Variants in CEP112 observed in about 807,000 individuals in gnomAD.
CEP112 encodes centrosomal protein 112, also known as centrosomal protein of 112 kDa.
CEP112 carries 127 observed loss-of-function variants against 153.0 expected under a neutral mutation model. The ratio of observed to expected loss-of-function variants is 0.83; its 90% CI spans 0.72 to 0.96. CEP112 has a LOEUF of 0.96. Ranked by LOEUF, CEP112 falls within the 40% of genes least tolerant of loss-of-function variation. The pLI is 0.00. For synonymous variants in CEP112, 358 were observed against 374.4 expected, an observed-to-expected ratio of 0.96 and a Z score of 0.51; for missense variants, 1,089 against 1,101.2, an observed-to-expected ratio of 0.99 and a Z score of 0.16.
At chr17:65,901,376 A>G (rs1227937249) in intron 20 of CEP112, among the ~76,000 whole-genome samples, 2 of 152,208 alleles carry the variant, frequency 1.3e-5, no homozygotes, top group African/African-American at 4.8e-5. Flanking sequence ...AGCAATCTCA[A>G]GAGGATACAC....
At chr17:65,729,590 A>G (rs1489235481) in intron 23 of CEP112, among the ~76,000 whole-genome samples, 1 of 152,236 alleles carries the variant, frequency 6.6e-6, no homozygotes, top group East Asian at 1.9e-4. Flanking sequence ...AAAGATTAAC[A>G]ATGTCCAAGT....
chr17:66,133,412 A>G (rs921463790), intron 4 of CEP112, among the ~76,000 whole-genome samples: 1 of 152,224 alleles, frequency 6.6e-6, no homozygotes, highest in African/African-American at 2.4e-5. Flanking sequence ...TAAAGTTTCA[A>G]TTAATTTGAA....
chr17:65,829,272 A>G (rs979371436), intron 21 of CEP112, among the ~76,000 whole-genome samples: 20 of 152,122 alleles, frequency 1.3e-4, no homozygotes, highest in African/African-American at 4.3e-4. Context: ...TAAATTACTC[A>G]ACCACTTTCA....
chr17:65,949,553 C>A (rs2061752140), intron 18 of CEP112, among the ~76,000 whole-genome samples: 2 of 152,110 alleles, frequency 1.3e-5, no homozygotes, highest in South Asian at 2.1e-4. Context: ...AAATTGGGTT[C>A]TTCGCTGGAT....
In CEP112 at chr17:65,951,678, T is replaced by C. The variant is rs2061831884; in HGVS notation, c.1872+9785A>G. 2.0e-5 allele frequency among the ~76,000 whole-genome samples: 3 copies of C among 151,918 alleles called. No homozygotes were observed. The South Asian group carries it at 6.2e-4, about 32-fold the overall frequency. ...TTGATCTTTTCAAAGAACCAGTACT[T>C]GGCTTCATTAATTTTCCATATTTTT... On this transcript the variant is annotated intron_variant, in intron 18 of 26. Transcript: ENST00000535342.
chr17:65,669,439 C>G (rs2046856159), intron 24 of CEP112, among the ~76,000 whole-genome samples: 1 of 152,048 alleles, frequency 6.6e-6, no homozygotes, highest in African/African-American at 2.4e-5. Context: ...TGAGAATCAC[C>G]ACAATAAATG....
intron 18 of CEP112, among the ~76,000 whole-genome samples, chr17:65,951,899 C>T (rs1481334513): frequency 1.3e-5 from 2 of 152,046 alleles, no homozygotes; most frequent in African/African-American, 4.8e-5. Context: ...TAGCTGCATT[C>T]CATAAATCTT....
intron 10 of CEP112, among the ~76,000 whole-genome samples, chr17:66,063,906 A>G (rs1226310289): frequency 6.6e-6 from 1 of 152,144 alleles, no homozygotes; most frequent in African/African-American, 2.4e-5. Flanking sequence ...AAATATGATC[A>G]TCTATCTACA....
chr17:66,038,183 A>G (rs894994781), intron 12 of CEP112, among the ~76,000 whole-genome samples: 1 of 152,130 alleles, frequency 6.6e-6, no homozygotes, highest in African/African-American at 2.4e-5. Context: ...CTGCCAAGAC[A>G]TAACTGCTGT....
intron 18 of CEP112, among the ~76,000 whole-genome samples, chr17:65,961,158 T>G (rs926764867): frequency 6.6e-6 from 1 of 152,238 alleles, no homozygotes; most frequent in African/African-American, 2.4e-5. Flanking sequence ...CTGGAGCCCC[T>G]GCTCTAAAGA....
intron 21 of CEP112, among the ~76,000 whole-genome samples, chr17:65,758,733 T>C (rs1417424091): frequency 6.6e-6 from 1 of 152,226 alleles, no homozygotes. Context: ...ATAAAATAGT[T>C]GTTTTAGGCT....
At chr17:65,961,418 C>A (rs761142749) in intron 18 of CEP112, 45 bp downstream of exon 18, 4 of 1,536,266 alleles carry the variant, frequency 2.6e-6, no homozygotes, top group Non-Finnish European at 3.6e-6. Flanking sequence ...TACCTTCCTA[C>A]TGAGAGAGTG....
At chr17:66,023,478 T>C (rs1346247558) in intron 16 of CEP112, among the ~76,000 whole-genome samples, 1 of 152,144 alleles carries the variant, frequency 6.6e-6, no homozygotes, top group Non-Finnish European at 1.5e-5. Flanking sequence ...ACAAGCTTCA[T>C]AAATGAAAGA....
chr17:66,143,162 G>A (rs1310970449), intron 4 of CEP112, among the ~76,000 whole-genome samples: 3 of 152,142 alleles, frequency 2.0e-5, no homozygotes, highest in Non-Finnish European at 1.5e-5. Flanking sequence ...AAGCAGAGAA[G>A]ACAAGGCTCA....
chr17:65,681,871 G>T (rs1043184108), intron 24 of CEP112, among the ~76,000 whole-genome samples: 1 of 151,450 alleles, frequency 6.6e-6, no homozygotes, highest in Non-Finnish European at 1.5e-5. Flanking sequence ...TAAGAGACAG[G>T]GTTTCACCAT....
chr17:65,814,365 A>G (rs1025903323), intron 21 of CEP112, among the ~76,000 whole-genome samples: 10 of 152,154 alleles, frequency 6.6e-5, no homozygotes, highest in Non-Finnish European at 1.3e-4. Context: ...CATCAGGCAT[A>G]TTGTTACCAT....
At chr17:65,913,910 A>T (rs1255258657) in intron 19 of CEP112, 1 of 968,666 alleles carries the variant, frequency 1.0e-6, no homozygotes, top group Non-Finnish European at 1.2e-6. Context: ...CCTGTAGGTG[A>T]TGAGTGACAA....
intron 23 of CEP112, among the ~76,000 whole-genome samples, chr17:65,706,880 C>T (rs1213385002): frequency 6.6e-6 from 1 of 152,198 alleles, no homozygotes; most frequent in East Asian, 1.9e-4. Context: ...GCATCATCTT[C>T]AAGTTTCTCT....
intron 8 of CEP112, 57 bp from the exon 9 acceptor site, chr17:66,070,058 A>G (rs1240159752): frequency 1.1e-6 from 1 of 886,144 alleles, no homozygotes; most frequent in African/African-American, 1.7e-5. Flanking sequence ...GGCAAAAAAT[A>G]CACAATTAAA....
Sources: allele counts gnomAD v4.1 joint callset (sites outside exome capture counted in the v4.1 genomes callset), GRCh38; gene constraint gnomAD v4.1.1; transcripts MANE v1.5; gene names NCBI Gene and HGNC (gene_info 2026-07-23, HGNC 2026-07-21).